The following TMIGD3 variants were observed in gnomAD, a reference collection of about 807,000 sequenced individuals.
The protein encoded by TMIGD3 is AD026 protein (AD026).
In TMIGD3, 21 loss-of-function variants were observed where a neutral mutation model predicts 28.1. The observed-to-expected ratio is 0.75, with a 90% CI of 0.53 to 1.08. The LOEUF (loss-of-function observed/expected upper bound fraction) is 1.08. Ranked by LOEUF, TMIGD3 falls within the 50% of genes least tolerant of loss-of-function variation. TMIGD3 has a pLI of 0.00. For synonymous variants in TMIGD3, 151 were observed against 162.1 expected (o/e 0.93, Z 0.52); for missense variants, 416 against 435.6 (o/e 0.96, Z 0.40).
At position 111,534,520 on chromosome 1, in the gene TMIGD3, G is replaced by A. The variant is rs190855059; in HGVS notation, c.107+29326C>T. Among the ~76,000 whole-genome samples, 198 of 152,238 alleles carry A rather than the reference G, an allele frequency of 1.3e-3. 1 individual carries two copies. Among genetic ancestry groups the A allele is most frequent in the African/African-American group, 4.5e-3 (188 of 41,532 alleles). ...TCACTCTTAGATGTTCGGTGTTTAC[G>A]GTTGCTGTTTAATTGATCAATTTTT... On this transcript the variant is annotated intron_variant, in intron 1 of 5. Transcript: ENST00000369717.
At chr1:111,528,149 T>C (rs1656334514) in intron 1 of TMIGD3, among the ~76,000 whole-genome samples, 1 of 152,204 alleles carries the variant, frequency 6.6e-6, no homozygotes, top group African/African-American at 2.4e-5. Flanking sequence ...TATGTTTAAG[T>C]TTATAATCCG....
intron 3 of TMIGD3, among the ~76,000 whole-genome samples, chr1:111,488,261 C>T (rs892070473): frequency 6.6e-6 from 1 of 151,744 alleles, no homozygotes; most frequent in South Asian, 2.1e-4. Context: ...CTCACTCTAT[C>T]GCCCAGGCAG....
chr1:111,561,721 C>G (rs1166422558), intron 1 of TMIGD3, among the ~76,000 whole-genome samples: 3 of 151,930 alleles, frequency 2.0e-5, no homozygotes, highest in African/African-American at 7.3e-5. Flanking sequence ...TTAATGGAGT[C>G]TTTCTCTCAT....
chr1:111,522,934 A>G (rs1180017957), intron 1 of TMIGD3, among the ~76,000 whole-genome samples: 1 of 152,222 alleles, frequency 6.6e-6, no homozygotes, highest in African/African-American at 2.4e-5. Context: ...CACCTGCAAA[A>G]AAAGAAGTCA....
At chr1:111,514,444 T>C (rs1655791951) in intron 1 of TMIGD3, among the ~76,000 whole-genome samples, 1 of 151,948 alleles carries the variant, frequency 6.6e-6, no homozygotes, top group Admixed American at 6.6e-5. Flanking sequence ...GCACCTGCAG[T>C]CCCAGCTACT....
upstream of TMIGD3, chr1:111,505,059 T>G (rs1655434780): frequency 2.0e-6 from 2 of 984,112 alleles, no homozygotes; most frequent in Non-Finnish European, 2.4e-6. Flanking sequence ...ACTGTAATTG[T>G]TTTCTTTATC....
chr1:111,511,870 A>G (rs893532452), intron 1 of TMIGD3, among the ~76,000 whole-genome samples: 1 of 152,318 alleles, frequency 6.6e-6, no homozygotes, highest in Non-Finnish European at 1.5e-5. Flanking sequence ...TTAGTCTGAC[A>G]CATTACTCCT....
chr1:111,500,333 C>T (rs1362081647), intron 1 of TMIGD3: 1 of 1,614,240 alleles, frequency 6.2e-7, no homozygotes, highest in Admixed American at 1.7e-5. Flanking sequence ...GCGCACATGA[C>T]AACCAGGGGG....
At position 111,487,676 on chromosome 1, in the gene TMIGD3, C is replaced by T. The variant is rs886126818; in HGVS notation, c.805+1001G>A. ...CCAGCCAAGAGTTGTAATTTGTTAA[C>T]TCGACTTTTCTGCTATGGGTTCCAG... On this transcript the variant is annotated intron_variant, in intron 3 of 5. Coordinates refer to ENST00000369716, the MANE Select transcript of TMIGD3 (RefSeq NM_020683.7). 3.9e-5 allele frequency among the ~76,000 whole-genome samples: 6 copies of T among 152,208 alleles called. No homozygotes were observed. In the East Asian group the frequency reaches 9.6e-4, roughly 24 times the overall value.
At chr1:111,510,405 T>A (rs1303844621) in intron 1 of TMIGD3, among the ~76,000 whole-genome samples, 1 of 151,800 alleles carries the variant, frequency 6.6e-6, no homozygotes, top group Non-Finnish European at 1.5e-5. Flanking sequence ...TCTGTTGCTA[T>A]GTCTCTTACA....
intron 1 of TMIGD3, among the ~76,000 whole-genome samples, chr1:111,509,749 G>A (rs1655629362): frequency 1.3e-5 from 2 of 152,212 alleles, no homozygotes; most frequent in African/African-American, 4.8e-5. Context: ...ATTACTGTAA[G>A]AGCTGCCATT....
At chr1:111,535,268 C>T (rs1309513133) in intron 1 of TMIGD3, among the ~76,000 whole-genome samples, 1 of 152,196 alleles carries the variant, frequency 6.6e-6, no homozygotes, top group Non-Finnish European at 1.5e-5. Context: ...TCCTTTTGTG[C>T]TAACTTCCTT....
chr1:111,540,887 T>C (rs892414600), intron 1 of TMIGD3, among the ~76,000 whole-genome samples: 6 of 152,214 alleles, frequency 3.9e-5, no homozygotes, highest in African/African-American at 1.4e-4. Context: ...AGGACATTAG[T>C]ATTATGCAGT....
chr1:111,492,487 T>C (rs949455447), intron 1 of TMIGD3, among the ~76,000 whole-genome samples: 1 of 152,064 alleles, frequency 6.6e-6, no homozygotes, highest in Non-Finnish European at 1.5e-5. Context: ...AGAAATGGAT[T>C]GTGCACAGAT....
At chr1:111,532,679 C>T (rs1049573820) in intron 1 of TMIGD3, among the ~76,000 whole-genome samples, 9 of 152,104 alleles carry the variant, frequency 5.9e-5, no homozygotes, top group African/African-American at 2.2e-4. Context: ...CTCAGTCCCT[C>T]TTGTAAAAGT....
upstream of TMIGD3, chr1:111,503,650 C>T (rs1472185269): frequency 2.5e-5 from 29 of 1,149,300 alleles, no homozygotes; most frequent in Non-Finnish European, 2.9e-5. Flanking sequence ...GAAAGTGCTG[C>T]TGCTCTTAGT....
At chr1:111,545,657 T>G (rs1657009324) in intron 1 of TMIGD3, among the ~76,000 whole-genome samples, 1 of 152,168 alleles carries the variant, frequency 6.6e-6, no homozygotes, top group South Asian at 2.1e-4. Flanking sequence ...TTGTCTTTTA[T>G]TGCTTGTGCT....
intron 1 of TMIGD3, among the ~76,000 whole-genome samples, chr1:111,545,749 T>C (rs1435432564): frequency 6.6e-6 from 1 of 152,182 alleles, no homozygotes; most frequent in Non-Finnish European, 1.5e-5. Context: ...GCTTTGTTAT[T>C]TTAGCTCTTA....
At chr1:111,542,298 G>A (rs979215437) in intron 1 of TMIGD3, 4 of 536,302 alleles carry the variant, frequency 7.5e-6, no homozygotes, top group Admixed American at 2.0e-5. Flanking sequence ...TCGAACACAC[G>A]CGACAAGAGC....
Sources: allele counts gnomAD v4.1 joint callset (sites outside exome capture counted in the v4.1 genomes callset), GRCh38; gene constraint gnomAD v4.1.1; transcripts MANE v1.5; gene names NCBI Gene and HGNC (gene_info 2026-07-23, HGNC 2026-07-21).